Variants in COL19A1 observed in about 807,000 individuals in gnomAD.
The protein encoded by COL19A1 is collagen type XIX alpha 1 chain.
Under a neutral mutation model 190.2 loss-of-function variants are expected in COL19A1, and 159 were observed. The ratio of observed to expected loss-of-function variants is 0.84; its 90% CI spans 0.73 to 0.95. COL19A1 has a LOEUF of 0.95. Ranked by LOEUF, COL19A1 falls within the 40% of genes least tolerant of loss-of-function variation. The pLI is 0.00. For synonymous variants in COL19A1, 509 were observed against 458.9 expected, an observed-to-expected ratio of 1.11 and a Z score of -1.39; for missense variants, 1,418 against 1,431.9, an observed-to-expected ratio of 0.99 and a Z score of 0.16.
intron 48 of COL19A1, 33 bp from the exon 49 acceptor site, chr6:70,199,575 T>C: frequency 1.4e-6 from 2 of 1,401,334 alleles, no homozygotes; most frequent in Non-Finnish European, 1.9e-6. Context: ...ATTTCTGTTC[T>C]ATGATATATT....
At chr6:69,960,828 T>A (rs1370922933) in intron 10 of COL19A1, among the ~76,000 whole-genome samples, 1 of 151,962 alleles carries the variant, frequency 6.6e-6, no homozygotes, top group Non-Finnish European at 1.5e-5. Context: ...AGATGGGGTT[T>A]CACCATGTTA....
Position 70,199,634 on chromosome 6 carries a change from C to T in COL19A1, c.3121C>T (p.Leu1041Phe). ...GAGGATGGCTGTATTCCTATCCCAG[C>T]TCAAGCTGCCAGCAGCAATGTTGGC... Reference protein sequence around the residue: ...EERMAVFLSQLKLPAAMLAAQ... With the variant: ...EERMAVFLSQFKLPAAMLAAQ... Residue 1041 changes from leucine to phenylalanine, a missense_variant, in exon 49 of 51, where the codon CTC (leucine) becomes TTC (phenylalanine). Leu to Phe is a conservative substitution (Grantham distance 22). Transcript: ENST00000620364. The T allele has an allele frequency of 6.2e-7, 1 of 1,603,616 alleles. No individual in the cohort carries two copies. Among genetic ancestry groups the T allele is most frequent in the Non-Finnish European group, 8.5e-7 (1 of 1,173,850 alleles).
intron 16 of COL19A1, among the ~76,000 whole-genome samples, chr6:70,111,906 C>A (rs1486190363): frequency 6.6e-6 from 1 of 152,190 alleles, no homozygotes; most frequent in Non-Finnish European, 1.5e-5. Flanking sequence ...AAATTGTGCA[C>A]ATGCTCTTGG....
At chr6:70,119,912 G>A (rs76453292) in intron 16 of COL19A1, among the ~76,000 whole-genome samples, 6,935 of 152,244 alleles carry the variant, frequency 0.046, 243 homozygotes, top group Non-Finnish European at 0.069. Flanking sequence ...CCAACATGGC[G>A]AAACCCTACC....
chr6:70,068,750 T>C (rs558403903), intron 15 of COL19A1, among the ~76,000 whole-genome samples: 1 of 152,216 alleles, frequency 6.6e-6, no homozygotes, highest in East Asian at 1.9e-4. Context: ...GTCATACTTT[T>C]AGTTTTTGAA....
At chr6:69,941,289 A>G (rs1773450403) in intron 9 of COL19A1, among the ~76,000 whole-genome samples, 1 of 152,186 alleles carries the variant, frequency 6.6e-6, no homozygotes, top group South Asian at 2.1e-4. Context: ...GTTGATTGTG[A>G]AGAAGGAATA....
intron 11 of COL19A1, among the ~76,000 whole-genome samples, chr6:70,023,193 GC>G (rs1446612445): frequency 6.7e-6 from 1 of 150,248 alleles, no homozygotes; most frequent in Non-Finnish European, 1.5e-5. Context: ...GAGTGCAATG[GC>G]ATGATCTTGG....
At chr6:70,115,821 TTTTG>T (rs1402000006) in intron 16 of COL19A1, among the ~76,000 whole-genome samples, 25 of 90,564 alleles carry the variant, frequency 2.8e-4, no homozygotes, top group Non-Finnish European at 4.9e-4. Context: ...TTTTTTGGTG[TTTTG>T]TTTTTTTTTT....
chr6:69,898,079 CT>C (rs143524140), intron 2 of COL19A1, among the ~76,000 whole-genome samples: 13,889 of 152,138 alleles, frequency 0.091, 751 homozygotes, highest in East Asian at 0.21. Flanking sequence ...TTAAAAACTT[CT>C]TAGTTATTAA....
intron 15 of COL19A1, among the ~76,000 whole-genome samples, chr6:70,073,993 A>G (rs931759717): frequency 2.6e-5 from 4 of 152,204 alleles, no homozygotes; most frequent in Non-Finnish European, 5.9e-5. Flanking sequence ...GTAAAAGGAC[A>G]TCAAAGTCAT....
At chr6:69,922,157 T>A (rs2150003324) in intron 4 of COL19A1, among the ~76,000 whole-genome samples, 1 of 152,074 alleles carries the variant, frequency 6.6e-6, no homozygotes, top group African/African-American at 2.4e-5. Flanking sequence ...ATATTTTATT[T>A]TTAAAATGCA....
chr6:69,958,112 G>A lies in COL19A1; in HGVS notation c.937-1884G>A, dbSNP rs1298325094. Among the ~76,000 whole-genome samples the A allele has an allele frequency of 3.3e-5, 5 of 152,078 alleles. 1 individual carries two copies. Among genetic ancestry groups the A allele is most frequent in the Middle Eastern group, 6.3e-3 (2 of 316 alleles). ...AGAGTTTTGGTACCCAATTAACAGTGCATCTGGGTGTAATCCTAACCTGAC... is the reference window on the plus strand; with the variant it reads ...AGAGTTTTGGTACCCAATTAACAGTACATCTGGGTGTAATCCTAACCTGAC... On this transcript the variant is annotated intron_variant, in intron 9 of 50. Transcript: ENST00000620364.
intron 15 of COL19A1, among the ~76,000 whole-genome samples, chr6:70,097,853 G>T: frequency 6.6e-6 from 1 of 152,122 alleles, no homozygotes; most frequent in Non-Finnish European, 1.5e-5. Flanking sequence ...TATCAGAGTT[G>T]CTTCTGAACA....
chr6:70,176,085 C>T (rs1377061024), intron 41 of COL19A1, among the ~76,000 whole-genome samples: 1 of 152,124 alleles, frequency 6.6e-6, no homozygotes, highest in Non-Finnish European at 1.5e-5. Flanking sequence ...AGTTGTAGAT[C>T]ATTTTATTCT....
intron 48 of COL19A1, among the ~76,000 whole-genome samples, chr6:70,196,459 A>G (rs997187959): frequency 6.6e-6 from 1 of 152,266 alleles, no homozygotes; most frequent in Admixed American, 6.5e-5. Flanking sequence ...ATGGATAATT[A>G]GACATTTCCA....
intron 4 of COL19A1, among the ~76,000 whole-genome samples, chr6:69,910,410 A>G (rs913679493): frequency 4.6e-5 from 7 of 152,188 alleles, no homozygotes; most frequent in Non-Finnish European, 8.8e-5. Context: ...TTCAAAAATA[A>G]TAAACAGTTG....
intron 17 of COL19A1, among the ~76,000 whole-genome samples, chr6:70,123,476 A>G (rs1273575954): frequency 3.3e-5 from 5 of 150,960 alleles, no homozygotes; most frequent in Non-Finnish European, 7.4e-5. Context: ...CCAATGGACT[A>G]TAAATCATGC....
intron 11 of COL19A1, among the ~76,000 whole-genome samples, chr6:69,965,773 G>A (rs1372789217): frequency 6.6e-6 from 1 of 152,122 alleles, no homozygotes; most frequent in East Asian, 1.9e-4. Flanking sequence ...TAGACCTATA[G>A]GAATGACCCC....
intron 9 of COL19A1, among the ~76,000 whole-genome samples, chr6:69,948,346 A>G (rs2150032303): frequency 6.6e-6 from 1 of 151,972 alleles, no homozygotes; most frequent in East Asian, 1.9e-4. Context: ...TGAATGCTTT[A>G]AAACAGAATT....
Sources: gnomAD v4.1 joint callset for allele counts (sites outside exome capture counted in the v4.1 genomes callset) on GRCh38, gnomAD v4.1.1 for gene constraint, MANE v1.5 for transcripts, NCBI Gene and HGNC (gene_info 2026-07-23, HGNC 2026-07-21) for gene names.